ROBO1: variants seen among roughly 807,000 people sequenced by gnomAD.
ROBO1 encodes roundabout homolog 1.
ROBO1 carries 149 observed loss-of-function variants against 195.9 expected under a neutral mutation model. That is an observed-to-expected ratio of 0.76 (90% CI 0.67 to 0.87). The LOEUF is 0.87. Among genes scored for constraint, ROBO1 ranks in the 40% least tolerant of loss-of-function variants. ROBO1 has a pLI of 0.00. For missense variants in ROBO1, 1,933 were observed against 2,068.3 expected (o/e 0.93, Z 1.27); for synonymous variants, 816 against 733.2 (o/e 1.11, Z -1.82).
intron 8 of ROBO1, among the ~76,000 whole-genome samples, chr3:78,696,704 A>T (rs1045043397): frequency 1.4e-5 from 2 of 147,916 alleles, no homozygotes; most frequent in Non-Finnish European, 3.0e-5. Flanking sequence ...ATATATACAC[A>T]TATATATACA....
At chr3:78,717,251 A>G in intron 7 of ROBO1, 24 bp downstream of exon 7, 1 of 1,526,638 alleles carries the variant, frequency 6.6e-7, no homozygotes, top group Admixed American at 2.2e-5. Flanking sequence ...TTGACAAATC[A>G]TATCATGAAA....
chr3:79,477,162 T>C (rs1401523266), intron 2 of ROBO1, among the ~76,000 whole-genome samples: 2 of 152,126 alleles, frequency 1.3e-5, no homozygotes, highest in Non-Finnish European at 1.5e-5. Context: ...ATTGTTATGC[T>C]CATAATTGGA....
chr3:79,536,332 G>A (rs1361475862), intron 2 of ROBO1, among the ~76,000 whole-genome samples: 2 of 152,002 alleles, frequency 1.3e-5, no homozygotes, highest in East Asian at 1.9e-4. Flanking sequence ...CTGATTCCAA[G>A]TCCTATTTGT....
intron 4 of ROBO1, among the ~76,000 whole-genome samples, chr3:78,932,031 G>A (rs1276714944): frequency 2.0e-5 from 3 of 151,986 alleles, no homozygotes; most frequent in Non-Finnish European, 4.4e-5. Flanking sequence ...TAAACTCTAC[G>A]GTATTAATTA....
chr3:79,322,022 A>C (rs1312223104), intron 2 of ROBO1, among the ~76,000 whole-genome samples: 1 of 152,192 alleles, frequency 6.6e-6, no homozygotes, highest in Non-Finnish European at 1.5e-5. Context: ...AAAGGTCCTA[A>C]GATGCTACTA....
chr3:79,406,840 C>T (rs1383265812), intron 2 of ROBO1, among the ~76,000 whole-genome samples: 1 of 151,946 alleles, frequency 6.6e-6, no homozygotes, highest in Non-Finnish European at 1.5e-5. Context: ...TTCCTTTCCA[C>T]ATAGTTTTAA....
intron 4 of ROBO1, among the ~76,000 whole-genome samples, chr3:78,936,672 G>A (rs1284239827): frequency 6.6e-6 from 1 of 151,830 alleles, no homozygotes; most frequent in Non-Finnish European, 1.5e-5. Flanking sequence ...TATGGGGGAG[G>A]GTGTGCATAG....
chr3:79,381,355 C>CAAAAAAAAAAAAAAAAAAAAAAAAA (rs61680946), intron 2 of ROBO1, among the ~76,000 whole-genome samples: 1 of 60,714 alleles, frequency 1.6e-5, no homozygotes, highest in Non-Finnish European at 2.9e-5. Flanking sequence ...AACTCCGTCT[C>CAAAAAAAAAAAAAAAAAAAAAAAAA]AAAAAAAAAA....
intron 5 of ROBO1, among the ~76,000 whole-genome samples, chr3:78,720,588 T>A (rs2082016515): frequency 1.3e-5 from 2 of 152,186 alleles, no homozygotes; most frequent in Admixed American, 6.5e-5. Context: ...GCCATCCCAT[T>A]ACTGGGTATA....
At chr3:78,862,149 T>C (rs2034888986) in intron 4 of ROBO1, among the ~76,000 whole-genome samples, 1 of 152,116 alleles carries the variant, frequency 6.6e-6, no homozygotes, top group Admixed American at 6.5e-5. Flanking sequence ...TTTTCTCTGC[T>C]TGCATTAGAC....
intron 4 of ROBO1, among the ~76,000 whole-genome samples, chr3:78,862,196 T>C (rs1340646428): frequency 1.3e-5 from 2 of 152,050 alleles, no homozygotes; most frequent in African/African-American, 4.8e-5. Context: ...AGAGAGGCTC[T>C]AAGTGTGACA....
chr3:79,641,742 G>A (rs972260776), intron 1 of ROBO1, among the ~76,000 whole-genome samples: 1 of 152,242 alleles, frequency 6.6e-6, no homozygotes, highest in Non-Finnish European at 1.5e-5. Context: ...TTGAGGCTAG[G>A]TGTGGTGGTT....
chr3:78,991,329 GA>G (rs1008148918), intron 3 of ROBO1, among the ~76,000 whole-genome samples: 18 of 152,172 alleles, frequency 1.2e-4, no homozygotes, highest in Non-Finnish European at 2.1e-4. Flanking sequence ...AAAAGCTCTG[GA>G]AAATGTAGAA....
intron 4 of ROBO1, among the ~76,000 whole-genome samples, chr3:78,765,412 G>T (rs1381302702): frequency 6.6e-6 from 1 of 151,734 alleles, no homozygotes; most frequent in African/African-American, 2.4e-5. Flanking sequence ...ATATAAACTT[G>T]CCTTCAATAA....
chr3:79,631,808 T>C (rs1945350851), intron 1 of ROBO1, among the ~76,000 whole-genome samples: 1 of 151,900 alleles, frequency 6.6e-6, no homozygotes, highest in African/African-American at 2.4e-5. Context: ...CATTAAAAAG[T>C]GGGCAAAGTA....
intron 3 of ROBO1, among the ~76,000 whole-genome samples, chr3:78,955,631 G>A (rs751023258): frequency 1.3e-5 from 2 of 151,990 alleles, no homozygotes; most frequent in Non-Finnish European, 2.9e-5. Flanking sequence ...ATCAATTAAA[G>A]TACTAAAAAT....
chr3:78,894,335 C>A (rs1057228329), intron 4 of ROBO1, among the ~76,000 whole-genome samples: 2 of 151,976 alleles, frequency 1.3e-5, no homozygotes, highest in Non-Finnish European at 2.9e-5. Flanking sequence ...AATGAAAAAA[C>A]CATAGGTAAT....
rs1249034459 is a variant in ROBO1, at chr3:79,145,360, TACACACACACATACACACACACACAC to T, written c.89-19847_89-19822del. On this transcript the variant is annotated intron_variant, in intron 2 of 30. Transcript: ENST00000464233. ...GAAAGAAAATTTCTGATGCCAGAAATACACACACACATACACACACACACACACACACACACACACACACAGACATA... is the reference window on the plus strand; with the variant it reads ...GAAAGAAAATTTCTGATGCCAGAAATACACACACACACACACACAGACATA... 4.1e-4 allele frequency among the ~76,000 whole-genome samples: 9 copies of T among 22,142 alleles called. No individual in the cohort carries two copies. The East Asian group carries it at 6.4e-3, about 16-fold the overall frequency. 14.5% of individuals were successfully genotyped at this position (22,142 alleles called of 152,430 possible). A position where few individuals can be genotyped will look rare whatever the true frequency, so the allele number is the denominator to read the frequency against.
intron 4 of ROBO1, among the ~76,000 whole-genome samples, chr3:78,815,309 C>G (rs1456217087): frequency 6.6e-6 from 1 of 152,040 alleles, no homozygotes; most frequent in Non-Finnish European, 1.5e-5. Context: ...GCTTCTTATG[C>G]CAAACAGTTT....
Sources: allele counts gnomAD v4.1 joint callset (sites outside exome capture counted in the v4.1 genomes callset), GRCh38; gene constraint gnomAD v4.1.1; transcripts MANE v1.5; gene names NCBI Gene and HGNC (gene_info 2026-07-23, HGNC 2026-07-21).